Variants in STIMATE observed in about 807,000 individuals in gnomAD.
STIMATE encodes the protein store-operated calcium entry regulator STIMATE.
A neutral mutation model predicts 36.7 loss-of-function variants in STIMATE; 15 were observed. The observed-to-expected ratio is 0.41, with a 90% CI of 0.27 to 0.63. The LOEUF (loss-of-function observed/expected upper bound fraction) is 0.63. STIMATE is among the 20% of genes least tolerant of loss of function. The pLI is 0.32. For missense variants in STIMATE, 305 were observed against 397.3 expected, an observed-to-expected ratio of 0.77 and a Z score of 1.98; for synonymous variants, 163 against 162.3, an observed-to-expected ratio of 1.00 and a Z score of -0.03.
chr3:52,872,023 C>T (rs945221568), intron 1 of STIMATE, among the ~76,000 whole-genome samples: 2 of 152,156 alleles, frequency 1.3e-5, no homozygotes, highest in African/African-American at 4.8e-5. Context: ...CACTCTTCTC[C>T]CGGGTCACCA....
chr3:52,844,778 T>C, intron 5 of STIMATE, 51 bp downstream of exon 5: 1 of 1,599,416 alleles, frequency 6.3e-7, no homozygotes. Context: ...GGGGAGGAAG[T>C]GCTGCTTGCT....
At chr3:52,864,391 G>C (rs1701267909) in intron 1 of STIMATE, among the ~76,000 whole-genome samples, 1 of 152,180 alleles carries the variant, frequency 6.6e-6, no homozygotes, top group Non-Finnish European at 1.5e-5. Flanking sequence ...GAGCGGCTGG[G>C]ATGCACGGCA....
At chr3:52,858,331 G>A (rs866668155) in intron 1 of STIMATE, among the ~76,000 whole-genome samples, 4 of 152,180 alleles carry the variant, frequency 2.6e-5, no homozygotes, top group Non-Finnish European at 5.9e-5. Context: ...ATGAACTAGT[G>A]TAACCATTCA....
intron 2 of STIMATE, among the ~76,000 whole-genome samples, chr3:52,854,206 T>A (rs1237221087): frequency 6.6e-6 from 1 of 152,216 alleles, no homozygotes; most frequent in Non-Finnish European, 1.5e-5. Context: ...GCCTTGGTCC[T>A]GATACGAGCA....
intron 1 of STIMATE, among the ~76,000 whole-genome samples, chr3:52,876,848 T>C (rs1412886455): frequency 6.6e-6 from 1 of 152,236 alleles, no homozygotes; most frequent in Non-Finnish European, 1.5e-5. Flanking sequence ...TCAGAAGTTA[T>C]ATGCGGGTTT....
rs1467181485 is a variant in STIMATE, at chr3:52,838,182, C to T, written c.*2312G>A. 6.6e-6 allele frequency: 1 copy of T among 152,262 alleles called. No homozygotes were observed. The highest frequency in any genetic ancestry group is 1.5e-5 in the Non-Finnish European group (1 of 68,066). The allele number at this position is 152,262 out of a possible 1,614,324, so 9.4% of individuals were successfully genotyped here. ...GGAAAAACCACCACTCTTCAGCTAC[C>T]TCTTTGTTCCCCAAACCCTCTGCTC... is the stretch of plus-strand genomic sequence containing the variant. On this transcript the variant is annotated 3_prime_UTR_variant, in exon 8 of 8. Transcript: ENST00000355083.
chr3:52,879,218 T>C (rs1170632038), intron 1 of STIMATE, among the ~76,000 whole-genome samples: 4 of 152,140 alleles, frequency 2.6e-5, no homozygotes, highest in Non-Finnish European at 5.9e-5. Context: ...TAGGCAGATC[T>C]GAGAAGAGAA....
chr3:52,879,747 T>G (rs1399878330), intron 1 of STIMATE, among the ~76,000 whole-genome samples: 1 of 152,188 alleles, frequency 6.6e-6, no homozygotes, highest in Admixed American at 6.5e-5. Flanking sequence ...AAAGGCACCA[T>G]GAAATTAAGT....
At chr3:52,864,827 A>G (rs1701276071) in intron 1 of STIMATE, among the ~76,000 whole-genome samples, 1 of 152,136 alleles carries the variant, frequency 6.6e-6, no homozygotes, top group Admixed American at 6.5e-5. Context: ...AAAACATAAC[A>G]AGAATCACCT....
At position 52,839,662 on chromosome 3, in the gene STIMATE, T is replaced by A. The variant is rs1310738365; in HGVS notation, c.*832A>T. 1 of 152,216 alleles carries A rather than the reference T, an allele frequency of 6.6e-6. No homozygotes were observed. The highest frequency in any genetic ancestry group is 1.5e-5 in the Non-Finnish European group (1 of 68,048). 9.4% of individuals were successfully genotyped at this position (152,216 alleles called of 1,614,324 possible). A position where few individuals can be genotyped will look rare whatever the true frequency, so the allele number is the denominator to read the frequency against. ...ACCTTCACAGAACCATTGGGTTTGC[T>A]GATTCTAGAGAAGGGCCATCCTCCT... On this transcript the variant is annotated 3_prime_UTR_variant, in exon 8 of 8. Transcript: ENST00000355083.
chr3:52,882,646 T>C (rs1368779322), intron 1 of STIMATE, among the ~76,000 whole-genome samples: 2 of 152,188 alleles, frequency 1.3e-5, no homozygotes, highest in African/African-American at 4.8e-5. Context: ...AGTGTTTCTG[T>C]CCACCCCGAA....
intron 1 of STIMATE, chr3:52,895,939 G>C: frequency 7.8e-7 from 1 of 1,289,840 alleles, no homozygotes; most frequent in South Asian, 1.2e-5. Flanking sequence ...TTTTGGCTAA[G>C]TTGTCACAAA....
At chr3:52,864,971 G>A (rs1219697290) in intron 1 of STIMATE, among the ~76,000 whole-genome samples, 1 of 151,054 alleles carries the variant, frequency 6.6e-6, no homozygotes, top group Non-Finnish European at 1.5e-5. Context: ...TTTTGAGATG[G>A]AGTCTTGCTC....
intron 1 of STIMATE, among the ~76,000 whole-genome samples, chr3:52,882,032 A>T (rs1261546913): frequency 6.6e-6 from 1 of 152,216 alleles, no homozygotes; most frequent in Non-Finnish European, 1.5e-5. Flanking sequence ...TTGGCTGCGT[A>T]GTTCTGGCTC....
At chr3:52,891,703 C>T (rs1041703641) in intron 1 of STIMATE, among the ~76,000 whole-genome samples, 4 of 151,880 alleles carry the variant, frequency 2.6e-5, no homozygotes, top group Non-Finnish European at 5.9e-5. Context: ...CTGCCATGCA[C>T]TCTGTGAAGA....
intron 1 of STIMATE, among the ~76,000 whole-genome samples, chr3:52,857,463 G>A (rs896040943): frequency 3.3e-5 from 5 of 152,138 alleles, no homozygotes; most frequent in African/African-American, 1.2e-4. Flanking sequence ...AAACTGTTTG[G>A]AGGGAACGCC....
At chr3:52,843,920 A>G in intron 5 of STIMATE, 122 bp from the exon 6 acceptor site, 2 of 1,315,246 alleles carry the variant, frequency 1.5e-6, no homozygotes, top group Non-Finnish European at 2.1e-6. Context: ...CCAAAGCCCA[A>G]TGGGAGCAGC....
At chr3:52,860,783 G>A (rs1317710204) in intron 1 of STIMATE, among the ~76,000 whole-genome samples, 2 of 152,242 alleles carry the variant, frequency 1.3e-5, no homozygotes, top group African/African-American at 4.8e-5. Context: ...GTGGACGTGG[G>A]GTGTGGAAGA....
At chr3:52,895,719 G>T (rs73839528) in intron 1 of STIMATE, among the ~76,000 whole-genome samples, 1,986 of 152,244 alleles carry the variant, frequency 0.013, 48 homozygotes, top group African/African-American at 0.046. Context: ...GGGACAAGCC[G>T]GGCCATCAGC....
Sources: allele counts gnomAD v4.1 joint callset (sites outside exome capture counted in the v4.1 genomes callset), GRCh38; gene constraint gnomAD v4.1.1; transcripts MANE v1.5; gene names NCBI Gene and HGNC (gene_info 2026-07-23, HGNC 2026-07-21).